The following ZFHX3 variants were observed in gnomAD, a reference collection of about 807,000 sequenced individuals.
The protein encoded by ZFHX3 is zinc finger homeobox 3, also known as zinc finger homeobox protein 3.
ZFHX3 carries 42 observed loss-of-function variants against 279.1 expected under a neutral mutation model. The ratio of observed to expected loss-of-function variants is 0.15; its 90% CI spans 0.12 to 0.19. The LOEUF (loss-of-function observed/expected upper bound fraction) is 0.19, where lower values mean the gene tolerates loss of function less well. Ranked by LOEUF, ZFHX3 falls within the 10% of genes least tolerant of loss-of-function variation. The pLI, the probability that ZFHX3 is intolerant of heterozygous loss-of-function variation, is 1.00. For missense variants in ZFHX3, 4,981 were observed against 4,754.0 expected (o/e 1.05, Z -1.40); for synonymous variants, 2,293 against 1,957.8 (o/e 1.17, Z -4.52).
At chr16:73,268,604 T>C (rs2014050945) in intron 4 of ZFHX3, among the ~76,000 whole-genome samples, 1 of 152,222 alleles carries the variant, frequency 6.6e-6, no homozygotes, top group African/African-American at 2.4e-5. Context: ...GTAAATGCCT[T>C]GTGCTCTGTG....
chr16:73,085,480 T>C (rs770764854), intron 8 of ZFHX3, among the ~76,000 whole-genome samples: 1 of 152,092 alleles, frequency 6.6e-6, no homozygotes, highest in Non-Finnish European at 1.5e-5. Context: ...TCCTGACCTC[T>C]AGTGATCCGC....
At chr16:73,314,159 C>T (rs2015392115) in intron 4 of ZFHX3, among the ~76,000 whole-genome samples, 1 of 152,182 alleles carries the variant, frequency 6.6e-6, no homozygotes, top group Non-Finnish European at 1.5e-5. Flanking sequence ...AGGTGGGTCT[C>T]ATCTAATCAG....
intron 2 of ZFHX3, among the ~76,000 whole-genome samples, chr16:73,491,166 T>C (rs1325046833): frequency 6.6e-6 from 1 of 152,208 alleles, no homozygotes; most frequent in African/African-American, 2.4e-5. Flanking sequence ...ACATATCACA[T>C]CCACACAAAA....
At chr16:73,459,513 C>T (rs1473592243) in intron 2 of ZFHX3, among the ~76,000 whole-genome samples, 3 of 152,152 alleles carry the variant, frequency 2.0e-5, no homozygotes, top group Non-Finnish European at 4.4e-5. Context: ...CAGGCACATG[C>T]CAACACACCA....
chr16:73,088,475 G>C (rs1267156631), intron 8 of ZFHX3, among the ~76,000 whole-genome samples: 1 of 152,086 alleles, frequency 6.6e-6, no homozygotes, highest in Non-Finnish European at 1.5e-5. Flanking sequence ...TCATATACCT[G>C]TACTTACCAT....
At chr16:73,358,389 A>G (rs1308454488) in intron 3 of ZFHX3, among the ~76,000 whole-genome samples, 4 of 152,240 alleles carry the variant, frequency 2.6e-5, no homozygotes, top group African/African-American at 9.6e-5. Flanking sequence ...TGAAGTGGCT[A>G]CTGGCGGGAA....
intron 1 of ZFHX3, among the ~76,000 whole-genome samples, chr16:73,865,805 C>T (rs1962001268): frequency 6.6e-6 from 1 of 150,874 alleles, no homozygotes; most frequent in Non-Finnish European, 1.5e-5. Flanking sequence ...TGGTAAAACC[C>T]CATCCCTACT....
At chr16:73,526,387 G>A (rs551761242) in intron 2 of ZFHX3, among the ~76,000 whole-genome samples, 1 of 152,346 alleles carries the variant, frequency 6.6e-6, no homozygotes, top group East Asian at 1.9e-4. Context: ...GAGGGGCCAA[G>A]TCTTGAGCGT....
chr16:73,453,162 G>T (rs576913458), intron 3 of ZFHX3, among the ~76,000 whole-genome samples: 1 of 152,134 alleles, frequency 6.6e-6, no homozygotes, highest in Non-Finnish European at 1.5e-5. Flanking sequence ...TACAATAAAT[G>T]TGTGTTGACT....
chr16:73,452,629 G>A (rs1236492888), intron 3 of ZFHX3, among the ~76,000 whole-genome samples: 1 of 152,046 alleles, frequency 6.6e-6, no homozygotes, highest in Non-Finnish European at 1.5e-5. Context: ...GGTGACCCTA[G>A]GAAAACCATT....
intron 1 of ZFHX3, among the ~76,000 whole-genome samples, chr16:73,730,163 T>C (rs1214141271): frequency 6.6e-6 from 1 of 151,862 alleles, no homozygotes; most frequent in Non-Finnish European, 1.5e-5. Flanking sequence ...CCACAATCAA[T>C]GTGTTGAAAA....
intron 2 of ZFHX3, among the ~76,000 whole-genome samples, chr16:73,624,413 C>G (rs769949908): frequency 2.6e-4 from 39 of 151,944 alleles, no homozygotes; most frequent in Non-Finnish European, 2.1e-4. Flanking sequence ...TAAGGAGAGA[C>G]GCAGCTGTCA....
chr16:72,865,659 C>T (rs2038000180), intron 4 of ZFHX3, among the ~76,000 whole-genome samples: 1 of 152,102 alleles, frequency 6.6e-6, no homozygotes, highest in Non-Finnish European at 1.5e-5. Context: ...CTACCTGTGA[C>T]TGGCCAAAGA....
At chr16:73,091,062 T>C (rs911446096) in intron 8 of ZFHX3, among the ~76,000 whole-genome samples, 1 of 151,324 alleles carries the variant, frequency 6.6e-6, no homozygotes, top group African/African-American at 2.4e-5. Context: ...ATACAAAAAA[T>C]TAACCAGGCA....
At chr16:73,763,600 G>A (rs141418176) in intron 1 of ZFHX3, among the ~76,000 whole-genome samples, 7 of 152,284 alleles carry the variant, frequency 4.6e-5, no homozygotes, top group African/African-American at 1.7e-4. Context: ...ACACCCATAG[G>A]TGACACTCAA....
chr16:73,113,473 A>G (rs1208408956), intron 7 of ZFHX3, among the ~76,000 whole-genome samples: 1 of 152,152 alleles, frequency 6.6e-6, no homozygotes, highest in Non-Finnish European at 1.5e-5. Context: ...GTCTATCCAC[A>G]CCCATGTCCA....
intron 4 of ZFHX3, among the ~76,000 whole-genome samples, chr16:72,873,363 C>G (rs935805553): frequency 6.6e-5 from 10 of 152,216 alleles, no homozygotes; most frequent in African/African-American, 2.4e-4. Context: ...GCAAATGTTT[C>G]TGCTGCACAT....
chr16:73,595,513 G>A (rs909815182), intron 2 of ZFHX3, among the ~76,000 whole-genome samples: 6 of 151,906 alleles, frequency 3.9e-5, no homozygotes, highest in African/African-American at 1.5e-4. Flanking sequence ...TCCCTTCACG[G>A]GCTCATTCCA....
chr16:72,908,164 A>C (rs2144169625), intron 3 of ZFHX3, among the ~76,000 whole-genome samples: 1 of 152,274 alleles, frequency 6.6e-6, no homozygotes, highest in East Asian at 1.9e-4. Flanking sequence ...TGAGACTGGA[A>C]GGTTCCTGAG....
Sources: allele counts gnomAD v4.1 joint callset (sites outside exome capture counted in the v4.1 genomes callset), GRCh38; gene constraint gnomAD v4.1.1; transcripts MANE v1.5; gene names NCBI Gene and HGNC (gene_info 2026-07-23, HGNC 2026-07-21).